Variants in MAP4 observed in about 807,000 individuals in gnomAD.
MAP4 encodes the protein microtubule associated protein 4.
A neutral mutation model predicts 170.2 loss-of-function variants in MAP4; 76 were observed. That is an observed-to-expected ratio of 0.45 (90% confidence interval 0.37 to 0.54). The LOEUF (loss-of-function observed/expected upper bound fraction) is 0.54, where lower values mean the gene tolerates loss of function less well. MAP4 is among the 20% of genes least tolerant of loss of function. MAP4 has a pLI of 0.00. For synonymous variants in MAP4, 909 were observed against 994.5 expected (o/e 0.91, Z 1.62); for missense variants, 2,506 against 2,748.0 (o/e 0.91, Z 1.97).
chr3:47,934,447 A>T (rs2100051588), intron 3 of MAP4, among the ~76,000 whole-genome samples: 4 of 152,070 alleles, frequency 2.6e-5, no homozygotes, highest in Admixed American at 2.6e-4. Flanking sequence ...GACTACAAGC[A>T]CGTGCCATCA....
chr3:47,918,716 T>A lies in MAP4; in HGVS notation c.652+3A>T, dbSNP rs755208034. 3 of 1,607,320 alleles carry A rather than the reference T, an allele frequency of 1.9e-6. No homozygotes were observed. Among genetic ancestry groups the A allele is most frequent in the Non-Finnish European group, 8.5e-7 (1 of 1,174,210 alleles). On this transcript the variant is annotated splice_donor_region_variant and intron_variant, in intron 6 of 20. Transcript: ENST00000683076. ...CTGATAAAGGGAGTCTCTAATAGTT[T>A]ACCTGCCGTTGGCTGAGGAGGTTCT...
chr3:47,858,615 GCGCGT>G (rs1218221242), intron 17 of MAP4, among the ~76,000 whole-genome samples: 21 of 128,360 alleles, frequency 1.6e-4, no homozygotes, highest in African/African-American at 3.5e-4. Flanking sequence ...GTGTGTGTGT[GCGCGT>G]TGTGTGTGTG....
chr3:48,072,432 C>G (rs2100141482), intron 1 of MAP4, among the ~76,000 whole-genome samples: 1 of 152,040 alleles, frequency 6.6e-6, no homozygotes, highest in Non-Finnish European at 1.5e-5. Flanking sequence ...ACCCAGGAAG[C>G]AGAGGCTGCA....
chr3:47,887,883 A>G (rs1437235126), intron 10 of MAP4, among the ~76,000 whole-genome samples: 1 of 151,028 alleles, frequency 6.6e-6, no homozygotes, highest in Non-Finnish European at 1.5e-5. Context: ...AGGTTTGTAA[A>G]CACACCAATC....
At chr3:48,081,724 GTATA>G (rs760188299) in intron 1 of MAP4, among the ~76,000 whole-genome samples, 1 of 151,328 alleles carries the variant, frequency 6.6e-6, no homozygotes, top group Admixed American at 6.6e-5. Flanking sequence ...GTGTGGGTCA[GTATA>G]TATATATATT....
intron 1 of MAP4, among the ~76,000 whole-genome samples, chr3:48,038,668 G>A (rs1421923396): frequency 6.6e-6 from 1 of 152,142 alleles, no homozygotes; most frequent in Admixed American, 6.5e-5. Flanking sequence ...CACCGTGTTA[G>A]CCAGGATGGT....
intron 12 of MAP4, 98 bp from the exon 13 acceptor site, chr3:47,872,198 T>G (rs2093562661): frequency 1.7e-6 from 2 of 1,187,056 alleles, no homozygotes; most frequent in Non-Finnish European, 2.4e-6. Flanking sequence ...TTGTTTTGTT[T>G]TTGGAGACGA....
intron 10 of MAP4, among the ~76,000 whole-genome samples, chr3:47,898,369 G>A (rs1317841873): frequency 6.6e-6 from 1 of 152,038 alleles, no homozygotes; most frequent in Non-Finnish European, 1.5e-5. Context: ...GGGCGTGGTG[G>A]CACGCACCTG....
intron 1 of MAP4, among the ~76,000 whole-genome samples, chr3:48,069,054 T>C (rs1372330212): frequency 6.6e-6 from 1 of 152,198 alleles, no homozygotes; most frequent in Non-Finnish European, 1.5e-5. Flanking sequence ...GAAAGAATGC[T>C]AGAGATTAAA....
intron 3 of MAP4, among the ~76,000 whole-genome samples, chr3:47,968,188 C>T (rs972692344): frequency 6.6e-6 from 1 of 152,180 alleles, no homozygotes; most frequent in Non-Finnish European, 1.5e-5. Flanking sequence ...CAATACCTCA[C>T]TTTCACTAAT....
intron 1 of MAP4, among the ~76,000 whole-genome samples, chr3:48,081,215 C>T (rs1259767311): frequency 2.0e-5 from 3 of 151,340 alleles, no homozygotes; most frequent in African/African-American, 7.3e-5. Flanking sequence ...GTGTGAACCC[C>T]GGAGGCGCAG....
At chr3:47,971,431 A>G (rs1343730232) in intron 3 of MAP4, among the ~76,000 whole-genome samples, 1 of 152,196 alleles carries the variant, frequency 6.6e-6, no homozygotes, top group Admixed American at 6.5e-5. Context: ...TGAGATAGTG[A>G]TGAAGCACAC....
chr3:47,896,119 T>C (rs1460038599), intron 10 of MAP4, among the ~76,000 whole-genome samples: 2 of 151,844 alleles, frequency 1.3e-5, no homozygotes, highest in Non-Finnish European at 2.9e-5. Flanking sequence ...CACCCAGGGG[T>C]CTGAGTACAA....
intron 3 of MAP4, among the ~76,000 whole-genome samples, chr3:47,957,779 G>A (rs1042593293): frequency 6.6e-6 from 1 of 152,144 alleles, no homozygotes; most frequent in African/African-American, 2.4e-5. Context: ...GTTTCAGGGA[G>A]ACAACACCCT....
chr3:47,911,485 C>T lies in MAP4; in HGVS notation c.2936G>A (p.Ser979Asn), dbSNP rs1226665164. 1.1e-5 allele frequency: 17 copies of T among 1,535,882 alleles called. No individual in the cohort carries two copies. The highest frequency in any genetic ancestry group is 1.5e-5 in the Non-Finnish European group (17 of 1,146,880). ...TTTTAGATTACATTCTAATGGATTA[C>T]TTGCTATCAAAGTGGGTACCAAATT... ...IPNLVPTLIA[S>N]NPLECNLKEG... is the part of the protein sequence containing the mutation. Residue 979 changes from serine to asparagine, a missense_variant, in exon 9 of 21, where the codon AGT (serine) becomes AAT (asparagine). Ser to Asn is a conservative substitution (Grantham distance 46). Transcript: ENST00000683076. This position sits in a 1 kb window ranked among gnomAD's most constrained non-coding sequence, Gnocchi z 4.0.
chr3:47,974,823 A>G, intron 3 of MAP4: 3 of 970,068 alleles, frequency 3.1e-6, no homozygotes, highest in Non-Finnish European at 3.7e-6. Flanking sequence ...ATTTGGAAAA[A>G]TATTCTAGGA....
At chr3:48,047,889 A>G (rs567119264) in intron 1 of MAP4, among the ~76,000 whole-genome samples, 10 of 152,312 alleles carry the variant, frequency 6.6e-5, no homozygotes, top group Admixed American at 6.5e-4. Context: ...ATTTGAAAAA[A>G]TGCTGGTTCT....
chr3:47,888,080 G>A lies in MAP4; in HGVS notation c.5435-10557C>T, dbSNP rs541857056. 4.6e-5 allele frequency among the ~76,000 whole-genome samples: 7 copies of A among 152,298 alleles called. No homozygotes were observed. The East Asian group carries it at 9.7e-4, about 21-fold the overall frequency. On this transcript the variant is annotated intron_variant, in intron 10 of 20. Coordinates refer to ENST00000683076, the MANE Select transcript of MAP4 (RefSeq NM_001385682.1). ...ACACTCTGTATCTAGCTGCTCTGGT[G>A]GGGCCTTGGAGAATCTGTGTGTCGA...
At chr3:47,976,085 C>A (rs571130280) in intron 3 of MAP4, among the ~76,000 whole-genome samples, 3 of 152,146 alleles carry the variant, frequency 2.0e-5, no homozygotes, top group Admixed American at 6.5e-5. Context: ...CCACCGCGCC[C>A]GGCCTAGTAT....
Sources: gnomAD v4.1 joint callset for allele counts (sites outside exome capture counted in the v4.1 genomes callset) on GRCh38, gnomAD v4.1.1 for gene constraint, Gnocchi (gnomAD v3.1) non-coding constraint, MANE v1.5 for transcripts, NCBI Gene and HGNC (gene_info 2026-07-23, HGNC 2026-07-21) for gene names.